KCP: variants seen among roughly 807,000 people sequenced by gnomAD.
The protein encoded by KCP is kielin/chordin-like protein.
A neutral mutation model predicts 212.7 loss-of-function variants in KCP; 194 were observed. That is an observed-to-expected ratio of 0.91 (90% CI 0.81 to 1.03). The LOEUF is 1.03. KCP is among the 50% of genes least tolerant of loss of function. The pLI is 0.00. For missense variants in KCP, 2,080 were observed against 2,162.5 expected, an observed-to-expected ratio of 0.96 and a Z score of 0.76; for synonymous variants, 833 against 865.3, an observed-to-expected ratio of 0.96 and a Z score of 0.65.
chr7:128,884,515 C>A (rs748299997), intron 28 of KCP, among the ~76,000 whole-genome samples: 8 of 152,172 alleles, frequency 5.3e-5, no homozygotes, highest in Non-Finnish European at 7.4e-5. Flanking sequence ...CCAGGTGGCT[C>A]TCCGGCCATA....
At position 128,892,940 on chromosome 7, in the gene KCP, T is replaced by C; in HGVS notation, c.1349A>G (p.Gln450Arg). ...AGCCCCGCACTTGGGTACCCCATCT[T>C]GACAGACGCAGGCGGTGCAGGGCCG... ...DGRPCTACVC[Q>R]DGVPKCGAVL... The change falls in exon 14 of 40, where the codon CAA (glutamine) becomes CGA (arginine). Residue 450 changes from glutamine to arginine, a missense_variant. Coordinates refer to ENST00000610776, the MANE Select transcript of KCP (RefSeq NM_001366122.1). The C allele has an allele frequency of 6.9e-7, 1 of 1,450,756 alleles. No individual in the cohort carries two copies. Among genetic ancestry groups the C allele is most frequent in the East Asian group, 2.5e-5 (1 of 40,450 alleles). The allele number at this position is 1,450,756 out of a possible 1,614,324, so 89.9% of individuals were successfully genotyped here.
Position 128,904,116 on chromosome 7 carries a change from AAGCTGCCCCTCATAATCACAGCCTGG to A in KCP, c.572-4_593del. ...ACAGGAAGGTGACCCCCTCCTCATA[AAGCTGCCCCTCATAATCACAGCCTGG>A]GAAGGTTGGCAGGATGACAAGTGGG... On this transcript the variant is annotated splice_acceptor_variant and splice_polypyrimidine_tract_variant and coding_sequence_variant and intron_variant, in exon 6 of 40. Coordinates refer to ENST00000610776, the MANE Select transcript of KCP (RefSeq NM_001366122.1). LOFTEE classifies it high-confidence loss of function. 1 of 1,551,610 alleles carries A rather than the reference AAGCTGCCCCTCATAATCACAGCCTGG, an allele frequency of 6.4e-7. No individual in the cohort carries two copies. The highest frequency in any genetic ancestry group is 8.7e-7 in the Non-Finnish European group (1 of 1,146,952).
Position 128,886,745 on chromosome 7 carries a change from G to A in KCP, c.2690-8C>T. ...GGCCCTGAGAGAGACAGCCTGTGGG[G>A]GACACACCTCCTGGGTGGGGGGCCT... is the stretch of plus-strand genomic sequence containing the variant. On this transcript the variant is annotated splice_polypyrimidine_tract_variant and splice_region_variant and intron_variant, in intron 24 of 39. Coordinates refer to ENST00000610776, the MANE Select transcript of KCP (RefSeq NM_001366122.1). The A allele has an allele frequency of 6.4e-7, 1 of 1,551,372 alleles. No homozygotes were observed. The highest frequency in any genetic ancestry group is 2.4e-5 in the East Asian group (1 of 40,912).
At position 128,910,624 on chromosome 7, in the gene KCP, A is replaced by G. The variant is rs1291678714; in HGVS notation, c.53T>C (p.Leu18Pro). Reference protein sequence around the residue: ...ALSLLLHLGALALAAGAEGGA... With the variant: ...ALSLLLHLGAPALAAGAEGGA... The stretch of plus-strand genomic sequence containing the variant: ...ACCTTCCGCGCCCGCGGCCAGCGCC[A>G]GGGCCCCGAGGTGCAGGAGAAGGGA... The change falls in exon 1 of 40, where the codon CTG (leucine) becomes CCG (proline). Residue 18 changes from leucine (L) to proline (P), a missense_variant. By Grantham distance (98) the Leu-to-Pro change is moderately conservative (BLOSUM62 -3). Transcript: ENST00000610776. 2.0e-6 allele frequency: 3 copies of G among 1,516,674 alleles called. No homozygotes were observed. Among genetic ancestry groups the G allele is most frequent in the Non-Finnish European group, 2.6e-6 (3 of 1,139,464 alleles). 94.0% of individuals were successfully genotyped at this position (1,516,674 alleles called of 1,614,324 possible). A position where few individuals can be genotyped will look rare whatever the true frequency, so the allele number is the denominator to read the frequency against.
At chr7:128,906,570 A>G (rs953662224) in intron 4 of KCP, among the ~76,000 whole-genome samples, 2 of 152,022 alleles carry the variant, frequency 1.3e-5, no homozygotes, top group Non-Finnish European at 2.9e-5. Context: ...TAACCCTAGG[A>G]AACCATCTCT....
chr7:128,882,770 AC>A (rs1793406603), intron 29 of KCP, among the ~76,000 whole-genome samples: 1 of 152,148 alleles, frequency 6.6e-6, no homozygotes, highest in Non-Finnish European at 1.5e-5. Context: ...AAACAAACAA[AC>A]AAACAAACAA....
rs1193366377 is a variant in KCP at position 128,892,871 on chromosome 7, G to A, written c.1418C>T (p.Pro473Leu). The A allele has an allele frequency of 1.9e-6, 3 of 1,550,774 alleles. No homozygotes were observed. In the Admixed American group the frequency reaches 5.9e-5, roughly 30 times the overall value. Residue 473 changes from proline to leucine, a missense_variant and splice_region_variant, in exon 14 of 40, where the codon CCT becomes CTT. By Grantham distance (98) the Pro-to-Leu change is moderately conservative. Transcript: ENST00000610776. ...CCAGGATCAGCCCAGGCACTCACCA[G>A]GGGGCTGGGTGGGGTGCTGGCAGGG... The part of the protein sequence containing the change: ...PAPCQHPTQP[P>L]GACCPSCDSC...
Position 128,893,289 on chromosome 7 carries a change from A to G in KCP, c.1216T>C (p.Cys406Arg). Residue 406 changes from cysteine to arginine, a missense_variant, in exon 13 of 40, where the codon TGC becomes CGC. By Grantham distance (180) the Cys-to-Arg change is radical (BLOSUM62 -3). Transcript: ENST00000610776. The stretch of plus-strand genomic sequence containing the variant: ...GGCAGGGCACAGGGGGTGACTGGGC[A>G]CTCCTGCTCCTCACAGGAGACCTCG... Reference protein sequence around the residue: ...AGEVSCEEQECPVTPCALPAS... With the variant: ...AGEVSCEEQERPVTPCALPAS... 1 of 1,551,320 alleles carries G rather than the reference A, an allele frequency of 6.4e-7. No individual in the cohort carries two copies. Among genetic ancestry groups the G allele is most frequent in the Non-Finnish European group, 8.7e-7 (1 of 1,146,866 alleles).
chr7:128,894,137 C>T (rs1794370837), intron 9 of KCP, 63 bp downstream of exon 9: 2 of 1,510,540 alleles, frequency 1.3e-6, no homozygotes, highest in African/African-American at 2.8e-5. Flanking sequence ...CGAGCAGGGC[C>T]ACCCATCAAT....
intron 20 of KCP, 58 bp downstream of exon 20, chr7:128,890,847 G>T (rs1411366511): frequency 1.7e-6 from 2 of 1,183,566 alleles, no homozygotes; most frequent in Admixed American, 4.0e-5. Flanking sequence ...AGGGCGCTCC[G>T]GGGCGGGGCG....
rs575226853 is a variant in KCP at position 128,904,267 on chromosome 7, A to T, written c.572-129T>A. On this transcript the variant is annotated intron_variant, in intron 5 of 39. Transcript: ENST00000610776. Reference sequence around the variant, plus strand: ...TGAAGGGATGGCGGGGCAGGGCAGGACAGGGCAGGAGGTCACCGGGCCGGC... The same window carrying T: ...TGAAGGGATGGCGGGGCAGGGCAGGTCAGGGCAGGAGGTCACCGGGCCGGC... The T allele has an allele frequency of 4.5e-6, 7 of 1,550,482 alleles. No individual in the cohort carries two copies. The Admixed American group carries it at 1.4e-4, about 30-fold the overall frequency.
At chr7:128,879,280 G>A in intron 37 of KCP, 1 of 537,558 alleles carries the variant, frequency 1.9e-6, no homozygotes, top group Admixed American at 3.2e-5. Context: ...GCCCAGAGGA[G>A]GCTGGTGGTG....
intron 8 of KCP, 25 bp from the exon 9 acceptor site, chr7:128,894,318 AG>A: frequency 6.7e-7 from 1 of 1,484,270 alleles, no homozygotes; most frequent in Non-Finnish European, 9.1e-7. Context: ...GAACAGGGGA[AG>A]GGGCCGACAG....
chr7:128,881,621 C>T lies in KCP; in HGVS notation c.3424+5G>A. ...TGAGGGTGGAGGCCAAGGCTGGGCACTTACCCCGGCATACGGGGCAGCAGC... is the reference window on the plus strand; with the variant it reads ...TGAGGGTGGAGGCCAAGGCTGGGCATTTACCCCGGCATACGGGGCAGCAGC... On this transcript the variant is annotated splice_donor_5th_base_variant and intron_variant, in intron 31 of 39. Coordinates refer to ENST00000610776, the MANE Select transcript of KCP (RefSeq NM_001366122.1). The T allele has an allele frequency of 6.7e-7, 1 of 1,489,584 alleles. No homozygotes were observed. The highest frequency in any genetic ancestry group is 1.3e-5 in the South Asian group (1 of 74,246). 92.3% of individuals were successfully genotyped at this position (1,489,584 alleles called of 1,614,324 possible).
chr7:128,907,014 C>T (rs865808635), intron 4 of KCP, 87 bp downstream of exon 4: 70 of 1,302,022 alleles, frequency 5.4e-5, no homozygotes, highest in Admixed American at 1.5e-4. Flanking sequence ...GCCCATTATG[C>T]GACATCTTGA....
chr7:128,896,678 G>A (rs1275342241), intron 8 of KCP, among the ~76,000 whole-genome samples: 1 of 152,022 alleles, frequency 6.6e-6, no homozygotes, highest in Non-Finnish European at 1.5e-5. Flanking sequence ...GGATCACGAG[G>A]TCAAGAGATT....
intron 13 of KCP, 50 bp downstream of exon 13, chr7:128,893,188 C>T: frequency 1.3e-6 from 2 of 1,520,508 alleles, no homozygotes; most frequent in Non-Finnish European, 1.8e-6. Flanking sequence ...CCTTCTGCAG[C>T]CCTCAGAGGC....
intron 8 of KCP, among the ~76,000 whole-genome samples, chr7:128,901,863 G>A (rs1187180643): frequency 5.9e-5 from 9 of 152,034 alleles, no homozygotes; most frequent in Non-Finnish European, 1.3e-4. Flanking sequence ...TGGCCTTCAC[G>A]GCTTACATGT....
At position 128,886,560 on chromosome 7, in the gene KCP, G is replaced by A. The variant is rs766556692; in HGVS notation, c.2773-3C>T. 3 of 1,551,232 alleles carry A rather than the reference G, an allele frequency of 1.9e-6. No homozygotes were observed. The South Asian group carries it at 3.6e-5, about 18-fold the overall frequency. ...CGCACACAGCTGACCTGGCCAGCCT[G>A]TAGGAGATGCAGGGACACTGGCTCG... On this transcript the variant is annotated splice_region_variant and splice_polypyrimidine_tract_variant and intron_variant, in intron 25 of 39. Coordinates refer to ENST00000610776, the MANE Select transcript of KCP (RefSeq NM_001366122.1).
Sources: gnomAD v4.1 joint callset for allele counts (sites outside exome capture counted in the v4.1 genomes callset) on GRCh38, gnomAD v4.1.1 for gene constraint, MANE v1.5 for transcripts, NCBI Gene and HGNC (gene_info 2026-07-23, HGNC 2026-07-21) for gene names.